The following CCNC variants were observed in gnomAD, a reference collection of about 807,000 sequenced individuals.
CCNC encodes cyclin C.
CCNC carries 19 observed loss-of-function variants against 50.0 expected under a neutral mutation model. The ratio of observed to expected loss-of-function variants is 0.38; its 90% CI spans 0.27 to 0.56. CCNC has a LOEUF of 0.56. Among genes scored for constraint, CCNC ranks in the 20% least tolerant of loss-of-function variants. The pLI, the probability that CCNC is intolerant of heterozygous loss-of-function variation, is 0.72. For missense variants in CCNC, 200 were observed against 327.1 expected (o/e 0.61, Z 3.00); for synonymous variants, 93 against 103.7 (o/e 0.90, Z 0.63).
intron 11 of CCNC, among the ~76,000 whole-genome samples, chr6:99,544,848 G>C (rs1802013941): frequency 1.3e-5 from 2 of 151,666 alleles, no homozygotes; most frequent in African/African-American, 4.8e-5. Context: ...AATTCTGTCA[G>C]CTTTAAATTT....
At position 99,551,119 on chromosome 6, in the gene CCNC, T is replaced by C. The variant is rs961433840; in HGVS notation, c.403-91A>G. ...CTAACATAAATTACAGACATTATAG[T>C]AATTTATCAAAAATTTTTACTAAAA... On this transcript the variant is annotated intron_variant, in intron 6 of 11. Transcript: ENST00000520429. 5.0e-5 allele frequency: 32 copies of C among 642,334 alleles called. No individual in the cohort carries two copies. In the African/African-American group the frequency reaches 6.1e-4, roughly 12 times the overall value. 39.8% of individuals were successfully genotyped at this position (642,334 alleles called of 1,614,324 possible). A position where few individuals can be genotyped will look rare whatever the true frequency, so the allele number is the denominator to read the frequency against.
chr6:99,557,415 A>G (rs1802565796), intron 5 of CCNC: 1 of 152,120 alleles, frequency 6.6e-6, no homozygotes, highest in African/African-American at 2.4e-5. Flanking sequence ...TTGTGGACCA[A>G]TATATGTCCC....
intron 10 of CCNC, among the ~76,000 whole-genome samples, chr6:99,546,032 G>A (rs533956880): frequency 1.2e-3 from 177 of 151,862 alleles, no homozygotes; most frequent in African/African-American, 4.0e-3. Context: ...GCAGTGGCAC[G>A]ATCTTGGCTC....
At chr6:99,558,995 G>A (rs905830530) in intron 4 of CCNC, among the ~76,000 whole-genome samples, 1 of 151,856 alleles carries the variant, frequency 6.6e-6, no homozygotes, top group Admixed American at 6.6e-5. Flanking sequence ...TAGAAACCAA[G>A]CCTTAAGGTT....
chr6:99,555,884 A>G (rs981180182), intron 5 of CCNC, among the ~76,000 whole-genome samples: 31 of 152,134 alleles, frequency 2.0e-4, no homozygotes, highest in Non-Finnish European at 2.2e-4. Flanking sequence ...TCTCTTTTTC[A>G]GTACCAGCTT....
At chr6:99,568,352 A>C (rs1186557265) in intron 1 of CCNC, 144 bp downstream of exon 1, 1 of 759,896 alleles carries the variant, frequency 1.3e-6, no homozygotes, top group Non-Finnish European at 2.2e-6. Flanking sequence ...AGAAAAGCGC[A>C]TCTTGATTCT....
At chr6:99,551,111 CATT>C (rs1194045725) in intron 6 of CCNC, 83 bp from the exon 7 acceptor site, 2 of 683,946 alleles carry the variant, frequency 2.9e-6, no homozygotes, top group Non-Finnish European at 4.1e-6. Flanking sequence ...AAATTACAGA[CATT>C]ATAGTAATTT....
intron 1 of CCNC, among the ~76,000 whole-genome samples, chr6:99,566,586 C>T (rs2397341): frequency 0.14 from 21,777 of 152,054 alleles, 1,835 homozygotes; most frequent in Middle Eastern, 0.24. Flanking sequence ...GTGTTTTGTT[C>T]TACCTCAACT....
chr6:99,550,697 T>C (rs1022961133), intron 7 of CCNC: 4 of 249,350 alleles, frequency 1.6e-5, no homozygotes, highest in Non-Finnish European at 3.0e-5. Flanking sequence ...CACACACAAA[T>C]TGTGCACATA....
At chr6:99,544,799 A>G (rs1217627230) in intron 11 of CCNC, among the ~76,000 whole-genome samples, 1 of 151,708 alleles carries the variant, frequency 6.6e-6, no homozygotes, top group Non-Finnish European at 1.5e-5. Context: ...AAACTACTAT[A>G]GTTCTGAATT....
At chr6:99,551,104 T>A in intron 6 of CCNC, 76 bp from the exon 7 acceptor site, 1 of 744,506 alleles carries the variant, frequency 1.3e-6, no homozygotes, top group Non-Finnish European at 1.9e-6. Context: ...CTAACATAAA[T>A]TACAGACATT....
chr6:99,560,845 C>T (rs919744065), intron 4 of CCNC, among the ~76,000 whole-genome samples: 2 of 152,156 alleles, frequency 1.3e-5, no homozygotes, highest in African/African-American at 4.8e-5. Context: ...TGGTAGGCAG[C>T]CAATCATCAG....
Position 99,542,562 on chromosome 6 carries a change from C to T in CCNC, c.*993G>A, listed in dbSNP as rs1345785163. On this transcript the variant is annotated 3_prime_UTR_variant, in exon 12 of 12. Coordinates refer to ENST00000520429, the MANE Select transcript of CCNC (RefSeq NM_005190.4). ...AAGTCTGAAGAAAATGATTAATTTG[C>T]TAAGTTCCACAGACAGTACAGTCCC... is the stretch of plus-strand genomic sequence containing the variant. 6.6e-6 allele frequency: 1 copy of T among 152,550 alleles called. No individual in the cohort carries two copies. Among genetic ancestry groups the T allele is most frequent in the Non-Finnish European group, 1.5e-5 (1 of 68,006 alleles). The allele number at this position is 152,550 out of a possible 1,614,324, so 9.4% of individuals were successfully genotyped here. A position where few individuals can be genotyped will look rare whatever the true frequency, so the allele number is the denominator to read the frequency against.
chr6:99,553,059 A>G (rs539300637), intron 5 of CCNC, among the ~76,000 whole-genome samples: 1 of 152,164 alleles, frequency 6.6e-6, no homozygotes, highest in South Asian at 2.1e-4. Context: ...AAAAGAAAGA[A>G]ATTCCATTTC....
chr6:99,543,950 A>G, intron 11 of CCNC: 1 of 1,227,992 alleles, frequency 8.1e-7, no homozygotes, highest in Non-Finnish European at 1.0e-6. Flanking sequence ...CAAATTTCCT[A>G]TAAAATTAAA....
At chr6:99,563,189 T>A (rs1412292905) in intron 1 of CCNC, among the ~76,000 whole-genome samples, 1 of 152,238 alleles carries the variant, frequency 6.6e-6, no homozygotes, top group East Asian at 1.9e-4. Context: ...CTAGCTTGTA[T>A]TTCATTGATT....
chr6:99,554,796 G>GA (rs1418830750), intron 5 of CCNC, among the ~76,000 whole-genome samples: 3 of 152,152 alleles, frequency 2.0e-5, no homozygotes, highest in African/African-American at 7.2e-5. Context: ...TTTTATTGGA[G>GA]AATGATATTA....
At position 99,551,858 on chromosome 6, in the gene CCNC, A is replaced by G. The variant is rs1245493953; in HGVS notation, c.384T>C (p.Phe128=). ...TRFSYAFPKE[F]PYRMNHILEC... is the part of the protein sequence containing the mutation. The stretch of plus-strand genomic sequence containing the variant: ...TACTTACATGATTCATCCTATAAGG[A>G]AATTCCTTTGGAAAGGCATATGAAA... The change falls in exon 6 of 12, where the codon TTT becomes TTC. Residue 128 remains phenylalanine, a synonymous_variant. Coordinates refer to ENST00000520429, the MANE Select transcript of CCNC (RefSeq NM_005190.4). 1.4e-6 allele frequency: 2 copies of G among 1,437,648 alleles called. No individual in the cohort carries two copies. The highest frequency in any genetic ancestry group is 1.9e-6 in the Non-Finnish European group (2 of 1,069,402). The allele number at this position is 1,437,648 out of a possible 1,614,324, so 89.1% of individuals were successfully genotyped here.
chr6:99,566,995 G>A (rs1246054269), intron 1 of CCNC: 2 of 449,706 alleles, frequency 4.4e-6, no homozygotes, highest in Non-Finnish European at 8.9e-6. Context: ...CTCCATGACT[G>A]CTCAAGGGAT....
Sources: gnomAD v4.1 joint callset for allele counts (sites outside exome capture counted in the v4.1 genomes callset) on GRCh38, gnomAD v4.1.1 for gene constraint, MANE v1.5 for transcripts, NCBI Gene and HGNC (gene_info 2026-07-23, HGNC 2026-07-21) for gene names.